Variants in DNAAF1 observed in about 807,000 individuals in gnomAD.
The protein encoded by DNAAF1 is dynein axonemal assembly factor 1.
A neutral mutation model predicts 71.1 loss-of-function variants in DNAAF1; 65 were observed. The ratio of observed to expected loss-of-function variants is 0.91; its 90% CI spans 0.75 to 1.12. DNAAF1 has a LOEUF of 1.12. DNAAF1 is among the 50% of genes most tolerant of loss of function. The pLI is 0.00. For missense variants in DNAAF1, 1,178 were observed against 899.8 expected, an observed-to-expected ratio of 1.31 and a Z score of -3.96; for synonymous variants, 414 against 354.6, an observed-to-expected ratio of 1.17 and a Z score of -1.88.
At chr16:84,152,172 C>T (rs1172267957) in intron 3 of DNAAF1, among the ~76,000 whole-genome samples, 1 of 152,008 alleles carries the variant, frequency 6.6e-6, no homozygotes, top group East Asian at 1.9e-4. Context: ...ATGGTGGGAT[C>T]CAGGGGAGAG....
chr16:84,155,334 T>A (rs1286740020), intron 4 of DNAAF1, among the ~76,000 whole-genome samples: 1 of 152,170 alleles, frequency 6.6e-6, no homozygotes, highest in East Asian at 1.9e-4. Context: ...TCTCAAGCGA[T>A]CCTCCCACGT....
At position 84,155,705 on chromosome 16, in the gene DNAAF1, A is replaced by C. The variant is rs2087393766; in HGVS notation, c.697A>C (p.Ser233Arg). ...CVLDLSHNKL[S>R]DPEILSILES... ...CCTTGACCTTTCGCACAACAAGCTG[A>C]GTGACCCGGAGATCCTGAGCATTCT... Residue 233 changes from serine to arginine, a missense_variant, in exon 5 of 12, where the codon AGT (serine) becomes CGT (arginine). Physicochemically the swap from Ser to Arg is moderately radical, Grantham distance 110. Coordinates refer to ENST00000378553, the MANE Select transcript of DNAAF1 (RefSeq NM_178452.6). The C allele has an allele frequency of 1.2e-6, 2 of 1,614,166 alleles. No individual in the cohort carries two copies. Among genetic ancestry groups the C allele is most frequent in the Non-Finnish European group, 1.7e-6 (2 of 1,180,042 alleles).
intron 8 of DNAAF1, among the ~76,000 whole-genome samples, chr16:84,171,955 G>A (rs1196842879): frequency 2.0e-5 from 3 of 147,554 alleles, no homozygotes; most frequent in African/African-American, 7.5e-5. Flanking sequence ...TCGGCTCATT[G>A]CAACCTCCCT....
At chr16:84,173,536 A>T (rs908039266) in intron 9 of DNAAF1, 5 of 983,110 alleles carry the variant, frequency 5.1e-6, no homozygotes, top group Non-Finnish European at 6.0e-6. Context: ...GGAGCTATGT[A>T]AAAAAAAGAA....
At chr16:84,166,836 C>T (rs576724193) in intron 7 of DNAAF1, among the ~76,000 whole-genome samples, 1 of 152,316 alleles carries the variant, frequency 6.6e-6, no homozygotes, top group Non-Finnish European at 1.5e-5. Context: ...TAGTTTTCTG[C>T]GGCTGCTGAA....
At chr16:84,176,947 A>C (rs1268592733) in intron 11 of DNAAF1, 1 of 167,384 alleles carries the variant, frequency 6.0e-6, no homozygotes, top group Non-Finnish European at 1.3e-5. Context: ...GGTTTTGGGG[A>C]GCAGCCGGTT....
In DNAAF1 at chr16:84,169,905, G is replaced by C. The variant is rs35504640; in HGVS notation, c.1077G>C (p.Ala359=). 8.1e-6 allele frequency: 13 copies of C among 1,614,108 alleles called. No individual in the cohort carries two copies. Among genetic ancestry groups the C allele is most frequent in the African/African-American group, 1.3e-5 (1 of 75,046 alleles). The change falls in exon 8 of 12, where the codon GCG becomes GCC. Residue 359 remains alanine (A), a synonymous_variant. Coordinates refer to ENST00000378553, the MANE Select transcript of DNAAF1 (RefSeq NM_178452.6). ...ATGGTGAGAATGTGCCCGCCAGTGC[G>C]GAAGGCAAGGAGGAGCCTCCCGGGG... ...SDDGENVPAS[A]EGKEEPPGDR...
At position 84,167,624 on chromosome 16, in the gene DNAAF1, C is replaced by T. The variant is rs374733459; in HGVS notation, c.1030+1675C>T. 1.2e-3 allele frequency among the ~76,000 whole-genome samples: 181 copies of T among 152,314 alleles called. 4 individuals are homozygous for T. In the South Asian group the frequency reaches 0.035, roughly 29 times the overall value. ...AGAACAAAAGAGCCTCCTAGCACCC[C>T]TATGTACAGGGGTTTTAGGAGCTCT... On this transcript the variant is annotated intron_variant, in intron 7 of 11. Transcript: ENST00000378553.
rs1324678479 is a variant in DNAAF1, at chr16:84,154,739, T to C, written c.515T>C (p.Leu172Pro). The part of the protein sequence containing the change: ...LLRKIENLEP[L>P]QKLDALNLSN... ...CGTAAAATTGAGAACCTGGAACCTC[T>C]GCAGAAACTGGATGCTCTTAACCTC... Residue 172 changes from leucine (L) to proline (P), a missense_variant, in exon 4 of 12, where the codon CTG becomes CCG. Leu to Pro is a moderately conservative substitution (Grantham distance 98). Coordinates refer to ENST00000378553, the MANE Select transcript of DNAAF1 (RefSeq NM_178452.6). The C allele has an allele frequency of 1.2e-6, 2 of 1,614,178 alleles. No homozygotes were observed. The highest frequency in any genetic ancestry group is 1.7e-6 in the Non-Finnish European group (2 of 1,180,024).
intron 6 of DNAAF1, among the ~76,000 whole-genome samples, chr16:84,161,184 C>T (rs937853227): frequency 6.6e-6 from 1 of 152,162 alleles, no homozygotes. Context: ...GCCACAGGGT[C>T]CCTGTGAGCG....
chr16:84,168,017 CAAA>C (rs746866697), intron 7 of DNAAF1, among the ~76,000 whole-genome samples: 1 of 134,588 alleles, frequency 7.4e-6, no homozygotes, highest in African/African-American at 2.7e-5. Flanking sequence ...AACTCCATCT[CAAA>C]AAAAAAAAAA....
chr16:84,175,968 C>T lies in DNAAF1; in HGVS notation c.1734C>T (p.Ser578=). 6.2e-7 allele frequency: 1 copy of T among 1,614,112 alleles called. No individual in the cohort carries two copies. Among genetic ancestry groups the T allele is most frequent in the Non-Finnish European group, 8.5e-7 (1 of 1,179,962 alleles). Residue 578 remains serine, a synonymous_variant, in exon 11 of 12, where the codon AGC becomes AGT. Coordinates refer to ENST00000378553, the MANE Select transcript of DNAAF1 (RefSeq NM_178452.6). ...TTCCGAAGATTGAGGTCATCTCGAGCTTGAGTGATGACAGTGACCCTGAAC... is the reference window on the plus strand; with the variant it reads ...TTCCGAAGATTGAGGTCATCTCGAGTTTGAGTGATGACAGTGACCCTGAAC... ...MCFPKIEVIS[S]LSDDSDPELD... is the part of the protein sequence containing the mutation.
At chr16:84,160,347 G>A (rs569231780) in intron 6 of DNAAF1, among the ~76,000 whole-genome samples, 1 of 152,112 alleles carries the variant, frequency 6.6e-6, no homozygotes, top group Non-Finnish European at 1.5e-5. Context: ...TTTTTGAAGT[G>A]CTTCTCTTAC....
intron 4 of DNAAF1, among the ~76,000 whole-genome samples, chr16:84,155,339 C>A (rs1419452650): frequency 6.6e-6 from 1 of 152,170 alleles, no homozygotes. Context: ...AGCGATCCTC[C>A]CACGTCAGCC....
intron 5 of DNAAF1, among the ~76,000 whole-genome samples, chr16:84,156,397 G>A (rs927649220): frequency 4.6e-5 from 7 of 152,138 alleles, no homozygotes; most frequent in East Asian, 3.8e-4. Flanking sequence ...AAATGATATC[G>A]GAGCCAGAGG....
At chr16:84,177,539 G>C in intron 11 of DNAAF1, 190 bp from the exon 12 acceptor site, 1 of 580,642 alleles carries the variant, frequency 1.7e-6, no homozygotes, top group Non-Finnish European at 3.2e-6. Context: ...ATGTTGACCA[G>C]GCTGGTCTCG....
chr16:84,160,819 C>T (rs1033502524), intron 6 of DNAAF1, among the ~76,000 whole-genome samples: 4 of 147,054 alleles, frequency 2.7e-5, no homozygotes, highest in African/African-American at 7.8e-5. Context: ...CCTGTAGTCC[C>T]AGCTACTCGA....
At chr16:84,174,489 C>T (rs528405428) in intron 9 of DNAAF1, 180 bp from the exon 10 acceptor site, 11 of 1,489,194 alleles carry the variant, frequency 7.4e-6, no homozygotes, top group South Asian at 1.3e-5. Context: ...GAGGTGGCAA[C>T]GCTTGCTTTG....
Position 84,154,810 on chromosome 16 carries a change from C to T in DNAAF1, c.574+12C>T. 6.2e-7 allele frequency: 1 copy of T among 1,603,152 alleles called. No individual in the cohort carries two copies. The highest frequency in any genetic ancestry group is 8.5e-7 in the Non-Finnish European group (1 of 1,170,032). On this transcript the variant is annotated intron_variant, in intron 4 of 11. Coordinates refer to ENST00000378553, the MANE Select transcript of DNAAF1 (RefSeq NM_178452.6). ...CATTGAAAACCTCTGTAAGGGTACC[C>T]AGCAAGCAGTGTGTCTGTTTGCCAT...
Sources: gnomAD v4.1 joint callset for allele counts (sites outside exome capture counted in the v4.1 genomes callset) on GRCh38, gnomAD v4.1.1 for gene constraint, MANE v1.5 for transcripts, NCBI Gene and HGNC (gene_info 2026-07-23, HGNC 2026-07-21) for gene names.